Variants in ZNF625 observed in about 807,000 individuals in gnomAD.
The protein encoded by ZNF625 is zinc finger protein 625.
In ZNF625, 8 loss-of-function variants were observed where a neutral mutation model predicts 11.1. That is an observed-to-expected ratio of 0.72 (90% CI 0.42 to 1.30). The LOEUF (loss-of-function observed/expected upper bound fraction) is 1.30. Among genes scored for constraint, ZNF625 ranks in the 50% most tolerant of loss-of-function variants. ZNF625 has a pLI of 0.01. For synonymous variants in ZNF625, 145 were observed against 153.4 expected, an observed-to-expected ratio of 0.95 and a Z score of 0.41; for missense variants, 349 against 447.6, an observed-to-expected ratio of 0.78 and a Z score of 1.99.
At chr19:12,152,661 T>TA (rs1976972097) in intron 1 of ZNF625, among the ~76,000 whole-genome samples, 1 of 151,922 alleles carries the variant, frequency 6.6e-6, no homozygotes, top group Non-Finnish European at 1.5e-5. Flanking sequence ...GCCAGCACGG[T>TA]AAAACCTCGT....
chr19:12,146,371 C>G, intron 3 of ZNF625, 147 bp from the exon 4 acceptor site: 1 of 711,102 alleles, frequency 1.4e-6, no homozygotes, highest in Non-Finnish European at 2.3e-6. Context: ...CACACATGCT[C>G]TACAAGATGG....
At position 12,145,830 on chromosome 19, in the gene ZNF625, A is replaced by G; in HGVS notation, c.586T>C (p.Cys196Arg). 1 of 1,614,220 alleles carries G rather than the reference A, an allele frequency of 6.2e-7. No individual in the cohort carries two copies. The highest frequency in any genetic ancestry group is 8.5e-7 in the Non-Finnish European group (1 of 1,180,046). The part of the protein sequence containing the change: ...SGDGPYKCNF[C>R]GKALMCLSLY... ...CTGAGACACATCAAGGCTTTCCCACAAAAGTTACATTTGTAGGGTCCATCT... is the reference window on the plus strand; with the variant it reads ...CTGAGACACATCAAGGCTTTCCCACGAAAGTTACATTTGTAGGGTCCATCT... Residue 196 changes from cysteine (C) to arginine (R), a missense_variant, in exon 4 of 4, where the codon TGT (cysteine) becomes CGT (arginine). By Grantham distance (180) the Cys-to-Arg change is radical. Coordinates refer to ENST00000439556, the MANE Select transcript of ZNF625 (RefSeq NM_145233.4).
At chr19:12,149,789 G>C (rs1976930160) in intron 1 of ZNF625, among the ~76,000 whole-genome samples, 1 of 151,948 alleles carries the variant, frequency 6.6e-6, no homozygotes, top group African/African-American at 2.4e-5. Context: ...GCCCAGGCTG[G>C]AGTGCAATGG....
chr19:12,145,271 G>A lies in ZNF625; in HGVS notation c.*26C>T, dbSNP rs565084971. The A allele has an allele frequency of 9.0e-6, 14 of 1,553,778 alleles. No individual in the cohort carries two copies. The East Asian group carries it at 1.4e-4, about 15-fold the overall frequency. On this transcript the variant is annotated 3_prime_UTR_variant, in exon 4 of 4. Transcript: ENST00000439556. ...ACACATTTTTACCATGATTGGATTCGGTGGCTTCTAGGAATCTTATGTGAA... is the reference window on the plus strand; with the variant it reads ...ACACATTTTTACCATGATTGGATTCAGTGGCTTCTAGGAATCTTATGTGAA...
intron 1 of ZNF625, among the ~76,000 whole-genome samples, chr19:12,150,580 ATC>A (rs1976940998): frequency 6.6e-6 from 1 of 152,166 alleles, no homozygotes; most frequent in Non-Finnish European, 1.5e-5. Flanking sequence ...GTTGAGGTCA[ATC>A]TCTCTCCCAT....
chr19:12,149,526 A>T (rs939819718), intron 1 of ZNF625, among the ~76,000 whole-genome samples: 1 of 152,156 alleles, frequency 6.6e-6, no homozygotes, highest in Non-Finnish European at 1.5e-5. Flanking sequence ...AGTTATGTAG[A>T]GTTGTCTAAC....
At position 12,145,616 on chromosome 19, in the gene ZNF625, A is replaced by G. The variant is rs1461404985; in HGVS notation, c.800T>C (p.Ile267Thr). 3 of 1,612,330 alleles carry G rather than the reference A, an allele frequency of 1.9e-6. No homozygotes were observed. The highest frequency in any genetic ancestry group is 2.2e-5 in the East Asian group (1 of 44,748). ...ATACGGCTTCTCCCCAGTGTGAGTT[A>G]TTTTATGTGCATGGAGGCATGTGGA... ...HSSTCLHAHK[I>T]THTGEKPYEC... Residue 267 changes from isoleucine (I) to threonine (T), a missense_variant, in exon 4 of 4, where the codon ATA becomes ACA. Coordinates refer to ENST00000439556, the MANE Select transcript of ZNF625 (RefSeq NM_145233.4).
intron 1 of ZNF625, among the ~76,000 whole-genome samples, 168 bp downstream of exon 1, chr19:12,156,388 C>T (rs1042666128): frequency 9.9e-5 from 15 of 151,580 alleles, no homozygotes; most frequent in Admixed American, 3.3e-4. Flanking sequence ...GGCTGCCGGC[C>T]CAACCCCACC....
intron 1 of ZNF625, among the ~76,000 whole-genome samples, chr19:12,150,993 G>A (rs976013459): frequency 1.5e-4 from 23 of 152,134 alleles, no homozygotes; most frequent in Admixed American, 2.6e-4. Flanking sequence ...GTGTCATAAA[G>A]GAGACTGAGG....
chr19:12,151,263 G>C lies in ZNF625; in HGVS notation c.4-3461C>G, dbSNP rs555754607. Among the ~76,000 whole-genome samples, 3 of 149,074 alleles carry C rather than the reference G, an allele frequency of 2.0e-5. No individual in the cohort carries two copies. The East Asian group carries it at 5.9e-4, about 29-fold the overall frequency. Reference sequence around the variant, plus strand: ...GTCTCACTCTGTCATCCAGGCTGGAGTGCAGTAGTGCAATCACAGCTCACT... The same window carrying C: ...GTCTCACTCTGTCATCCAGGCTGGACTGCAGTAGTGCAATCACAGCTCACT... On this transcript the variant is annotated intron_variant, in intron 1 of 3. Transcript: ENST00000439556.
At chr19:12,146,970 A>ATTTTTTTTTTTT (rs934558893) in intron 3 of ZNF625, among the ~76,000 whole-genome samples, 4 of 130,854 alleles carry the variant, frequency 3.1e-5, no homozygotes, top group African/African-American at 9.1e-5. Context: ...GTTTTTAGAG[A>ATTTTTTTTTTTT]TTTTTTTTTT....
rs1976867850 is a variant in ZNF625, at chr19:12,146,082, G to A, written c.334C>T (p.Leu112Phe). The A allele has an allele frequency of 1.9e-6, 3 of 1,613,956 alleles. No homozygotes were observed. The Admixed American group carries it at 5.0e-5, about 27-fold the overall frequency. ...GTGTCAGCTCTGTGGTGCCTATTAA[G>A]GGATGCATGACCCACGCTGACTTCT... ...CGEVSVGHAS[L>F]NRHHRADTGH... Residue 112 changes from leucine (L) to phenylalanine (F), a missense_variant, in exon 4 of 4, where the codon CTT becomes TTT. Leu to Phe is a conservative substitution (Grantham distance 22). Transcript: ENST00000439556.
chr19:12,153,405 G>A (rs554120957), intron 1 of ZNF625, among the ~76,000 whole-genome samples: 1 of 151,686 alleles, frequency 6.6e-6, no homozygotes, highest in African/African-American at 2.4e-5. Flanking sequence ...CACATGCACG[G>A]CTGGGTGCAG....
At chr19:12,148,825 T>C (rs1009199689) in intron 1 of ZNF625, among the ~76,000 whole-genome samples, 1 of 151,702 alleles carries the variant, frequency 6.6e-6, no homozygotes, top group African/African-American at 2.4e-5. Context: ...GGTTTCACCG[T>C]CTTGGCCAGG....
chr19:12,156,141 C>G (rs1230454635), intron 1 of ZNF625, among the ~76,000 whole-genome samples: 1 of 152,148 alleles, frequency 6.6e-6, no homozygotes, highest in Non-Finnish European at 1.5e-5. Context: ...TGCGCCTGGC[C>G]TTCAATTTAG....
intron 1 of ZNF625, among the ~76,000 whole-genome samples, chr19:12,149,124 A>G (rs1976918265): frequency 6.6e-6 from 1 of 151,800 alleles, no homozygotes; most frequent in Non-Finnish European, 1.5e-5. Context: ...TTCTAAAAAT[A>G]CAAAAATTAG....
chr19:12,148,458 C>T (rs1373651329), intron 1 of ZNF625, among the ~76,000 whole-genome samples: 4 of 151,964 alleles, frequency 2.6e-5, no homozygotes, highest in African/African-American at 4.8e-5. Context: ...CCAGTCTCAA[C>T]AAAAAGGCAA....
intron 1 of ZNF625, among the ~76,000 whole-genome samples, chr19:12,151,232 GAC>G (rs1976950883): frequency 1.4e-5 from 2 of 143,560 alleles, no homozygotes; most frequent in Non-Finnish European, 3.0e-5. Context: ...TTTTGTCTGA[GAC>G]AGAGTCTCAC....
chr19:12,149,531 TCTAA>T (rs1300863123), intron 1 of ZNF625, among the ~76,000 whole-genome samples: 12 of 152,220 alleles, frequency 7.9e-5, no homozygotes, highest in Admixed American at 3.9e-4. Context: ...TGTAGAGTTG[TCTAA>T]CTAAATCAAC....
Sources: gnomAD v4.1 joint callset for allele counts (sites outside exome capture counted in the v4.1 genomes callset) on GRCh38, gnomAD v4.1.1 for gene constraint, MANE v1.5 for transcripts, NCBI Gene and HGNC (gene_info 2026-07-23, HGNC 2026-07-21) for gene names.